Variants in ACBD6 observed in about 807,000 individuals in gnomAD.
ACBD6 encodes the protein acyl-CoA-binding domain-containing protein 6.
Under a neutral mutation model 37.2 loss-of-function variants are expected in ACBD6, and 28 were observed. That is an observed-to-expected ratio of 0.75 (90% CI 0.56 to 1.03). The LOEUF is 1.03. ACBD6 is among the 50% of genes least tolerant of loss of function. ACBD6 has a pLI of 0.00. For missense variants in ACBD6, 340 were observed against 337.4 expected, an observed-to-expected ratio of 1.01 and a Z score of -0.06; for synonymous variants, 113 against 126.8, an observed-to-expected ratio of 0.89 and a Z score of 0.73.
At chr1:180,500,132 T>TAAA (rs778814281) in intron 1 of ACBD6, among the ~76,000 whole-genome samples, 1 of 133,316 alleles carries the variant, frequency 7.5e-6, no homozygotes, top group African/African-American at 2.7e-5. Flanking sequence ...CTTTTTTAGT[T>TAAA]AAAAAAAAAA....
At chr1:180,389,674 A>AT (rs1209475493) in intron 6 of ACBD6, among the ~76,000 whole-genome samples, 4 of 152,102 alleles carry the variant, frequency 2.6e-5, no homozygotes, top group Non-Finnish European at 1.5e-5. Context: ...TTGTTTCCTG[A>AT]TTTTTTAATG....
chr1:180,292,830 A>G (rs994699721), intron 7 of ACBD6, among the ~76,000 whole-genome samples: 1 of 152,246 alleles, frequency 6.6e-6, no homozygotes, highest in African/African-American at 2.4e-5. Flanking sequence ...TCAGCCTTTC[A>G]TCATCAAGGA....
Position 180,306,815 on chromosome 1 carries a change from A to G in ACBD6, c.694+7877T>C, listed in dbSNP as rs565933463. The stretch of plus-strand genomic sequence containing the variant: ...GCAATCTCTCCTTCTGGAACTATTA[A>G]AAATACTGAACTTGGCTTTTATCCA... On this transcript the variant is annotated intron_variant, in intron 7 of 7. Coordinates refer to ENST00000367595, the MANE Select transcript of ACBD6 (RefSeq NM_032360.4). 3.3e-5 allele frequency among the ~76,000 whole-genome samples: 5 copies of G among 152,312 alleles called. No homozygotes were observed. In the East Asian group the frequency reaches 9.6e-4, roughly 29 times the overall value.
intron 5 of ACBD6, among the ~76,000 whole-genome samples, chr1:180,411,237 T>C (rs1558287862): frequency 6.6e-6 from 1 of 152,232 alleles, no homozygotes; most frequent in Non-Finnish European, 1.5e-5. Context: ...TTGTGAACAT[T>C]GTTGAAATAA....
intron 3 of ACBD6, among the ~76,000 whole-genome samples, chr1:180,454,575 A>G (rs10733005): frequency 0.95 from 145,218 of 152,198 alleles, 69,341 homozygotes; most frequent in African/African-American, 0.99. Flanking sequence ...AACTATCATC[A>G]GAGTGAAGAG....
At chr1:180,353,381 G>A (rs1652492442) in intron 6 of ACBD6, among the ~76,000 whole-genome samples, 1 of 152,042 alleles carries the variant, frequency 6.6e-6, no homozygotes, top group Non-Finnish European at 1.5e-5. Flanking sequence ...CTCTGTGATA[G>A]CCCATGTCAC....
downstream of ACBD6, among the ~76,000 whole-genome samples, chr1:180,285,372 G>A (rs1164435164): frequency 6.6e-6 from 1 of 152,048 alleles, no homozygotes; most frequent in African/African-American, 2.4e-5. Flanking sequence ...GAAAATAGGT[G>A]CATCTCAGAA....
At chr1:180,296,125 G>GAAA (rs1441944555) in intron 7 of ACBD6, among the ~76,000 whole-genome samples, 1 of 152,130 alleles carries the variant, frequency 6.6e-6, no homozygotes, top group South Asian at 2.1e-4. Flanking sequence ...TGCTGATTTA[G>GAAA]AAAAAGTCTG....
intron 3 of ACBD6, among the ~76,000 whole-genome samples, chr1:180,474,436 A>C (rs928995657): frequency 2.0e-5 from 3 of 151,232 alleles, no homozygotes; most frequent in African/African-American, 4.9e-5. Flanking sequence ...ATAAAACATA[A>C]AATATATCTG....
intron 7 of ACBD6, among the ~76,000 whole-genome samples, chr1:180,289,414 C>T (rs892625864): frequency 1.1e-4 from 17 of 152,258 alleles, no homozygotes; most frequent in Admixed American, 5.2e-4. Flanking sequence ...CCATTTCATA[C>T]CCACTAGATT....
intron 7 of ACBD6, among the ~76,000 whole-genome samples, chr1:180,296,139 G>C (rs888511490): frequency 2.0e-5 from 3 of 152,134 alleles, no homozygotes; most frequent in Non-Finnish European, 4.4e-5. Flanking sequence ...AAGTCTGAGT[G>C]GTCTGGGTAG....
intron 5 of ACBD6, among the ~76,000 whole-genome samples, chr1:180,412,204 C>T (rs545617446): frequency 1.3e-4 from 19 of 151,538 alleles, no homozygotes; most frequent in Non-Finnish European, 2.5e-4. Context: ...GTGAAAAACA[C>T]ATAGTATTAC....
At chr1:180,295,055 C>T (rs1459743896) in intron 7 of ACBD6, among the ~76,000 whole-genome samples, 7 of 151,996 alleles carry the variant, frequency 4.6e-5, no homozygotes, top group Non-Finnish European at 5.9e-5. Flanking sequence ...TTTTATTGAT[C>T]TTTACAAACA....
At chr1:180,435,678 A>G (rs1571507834) in intron 3 of ACBD6, 1 of 918,588 alleles carries the variant, frequency 1.1e-6, no homozygotes, top group East Asian at 2.4e-5. Context: ...TCCATTTACC[A>G]GAAGGTGAAC....
At chr1:180,305,662 A>C (rs1650326134) in intron 7 of ACBD6, among the ~76,000 whole-genome samples, 2 of 152,200 alleles carry the variant, frequency 1.3e-5, no homozygotes, top group African/African-American at 4.8e-5. Flanking sequence ...TGGGACTGTA[A>C]ACTGGTTCAA....
At chr1:180,467,591 C>CA (rs1275012812) in intron 3 of ACBD6, among the ~76,000 whole-genome samples, 8 of 151,886 alleles carry the variant, frequency 5.3e-5, no homozygotes, top group Admixed American at 5.2e-4. Context: ...TTTGAGGCCG[C>CA]AGGGAGCTAT....
At chr1:180,357,877 C>T (rs538577785) in intron 6 of ACBD6, among the ~76,000 whole-genome samples, 11 of 152,128 alleles carry the variant, frequency 7.2e-5, no homozygotes, top group Non-Finnish European at 1.6e-4. Context: ...ATTTCATAAG[C>T]TCTTGTAATT....
At chr1:180,402,612 G>A (rs948699363) in intron 5 of ACBD6, among the ~76,000 whole-genome samples, 2 of 152,106 alleles carry the variant, frequency 1.3e-5, no homozygotes, top group African/African-American at 4.8e-5. Flanking sequence ...GACCAGCCTG[G>A]GGAACATGGT....
intron 5 of ACBD6, among the ~76,000 whole-genome samples, chr1:180,410,166 G>C (rs1647797641): frequency 6.6e-6 from 1 of 152,248 alleles, no homozygotes; most frequent in African/African-American, 2.4e-5. Flanking sequence ...GGCTGCAGAA[G>C]AAAAGTCTGA....
Sources: gnomAD v4.1 joint callset for allele counts (sites outside exome capture counted in the v4.1 genomes callset) on GRCh38, gnomAD v4.1.1 for gene constraint, MANE v1.5 for transcripts, NCBI Gene and HGNC (gene_info 2026-07-23, HGNC 2026-07-21) for gene names.